The following ALOX15B variants were observed in gnomAD, a reference collection of about 807,000 sequenced individuals.
ALOX15B encodes arachidonate 15-lipoxygenase type B.
ALOX15B carries 74 observed loss-of-function variants against 73.8 expected under a neutral mutation model. The ratio of observed to expected loss-of-function variants is 1.00; its 90% CI spans 0.83 to 1.22. ALOX15B has a LOEUF of 1.22. Among genes scored for constraint, ALOX15B ranks in the 50% most tolerant of loss-of-function variants. The probability of loss-of-function intolerance (pLI) is 0.00; values close to 1 mark genes in which losing one functional copy is unlikely to be tolerated. For synonymous variants in ALOX15B, 353 were observed against 357.2 expected, an observed-to-expected ratio of 0.99 and a Z score of 0.13; for missense variants, 896 against 859.9, an observed-to-expected ratio of 1.04 and a Z score of -0.52.
rs1272537817 is a variant in ALOX15B, at chr17:8,046,891, G to A, written c.1288-16G>A. 6 of 1,613,828 alleles carry A rather than the reference G, an allele frequency of 3.7e-6. No individual in the cohort carries two copies. Among genetic ancestry groups the A allele is most frequent in the Non-Finnish European group, 5.1e-6 (6 of 1,179,756 alleles). On this transcript the variant is annotated splice_polypyrimidine_tract_variant and intron_variant, in intron 9 of 13. Transcript: ENST00000380183. The stretch of plus-strand genomic sequence containing the variant: ...CTGGAGCAAGGTCTGTAGGACCCAA[G>A]AGTCCTGTCTCTCAGTCCACAGGCA...
In ALOX15B at chr17:8,045,466, C is replaced by A. The variant is rs1226472541; in HGVS notation, c.997-17C>A. 4.1e-5 allele frequency: 66 copies of A among 1,613,902 alleles called. No individual in the cohort carries two copies. Among genetic ancestry groups the A allele is most frequent in the Non-Finnish European group, 5.2e-5 (61 of 1,180,006 alleles). ...AGACACTCATGGCTGCCTCTCTCCCCACCTGCCTCCCCCCAGCTCAGCCAG... is the reference window on the plus strand; with the variant it reads ...AGACACTCATGGCTGCCTCTCTCCCAACCTGCCTCCCCCCAGCTCAGCCAG... On this transcript the variant is annotated splice_polypyrimidine_tract_variant and intron_variant, in intron 7 of 13. Coordinates refer to ENST00000380183, the MANE Select transcript of ALOX15B (RefSeq NM_001141.3).
chr17:8,046,121 A>G (rs4611520), intron 8 of ALOX15B, among the ~76,000 whole-genome samples: 1 of 152,164 alleles, frequency 6.6e-6, no homozygotes, highest in Non-Finnish European at 1.5e-5. Flanking sequence ...GATTCGAGGC[A>G]TCTCCTCTGT....
At chr17:8,039,340 G>C (rs1976361973) in intron 1 of ALOX15B, 38 bp downstream of exon 1, 1 of 1,591,278 alleles carries the variant, frequency 6.3e-7, no homozygotes, top group Admixed American at 1.7e-5. Context: ...AGGTGAAGGG[G>C]GCGAGCAGGA....
At chr17:8,044,105 G>GAGAGGAAGGAAGGAAGGAAGGA (rs1355114653) in intron 5 of ALOX15B, among the ~76,000 whole-genome samples, 19 of 62,372 alleles carry the variant, frequency 3.0e-4, no homozygotes, top group African/African-American at 9.5e-4. Context: ...GAGAGAGAGA[G>GAGAGGAAGGAAGGAAGGAAGGA]AGGAAGGAAG....
intron 5 of ALOX15B, among the ~76,000 whole-genome samples, chr17:8,043,566 G>A (rs1284646505): frequency 6.6e-6 from 1 of 152,212 alleles, no homozygotes; most frequent in Non-Finnish European, 1.5e-5. Flanking sequence ...GTGCTTGACT[G>A]GTTGCCAGCA....
At chr17:8,040,647 G>GAAAGAAAGAAAGAAAGAAAGA (rs1255631976) in intron 3 of ALOX15B, among the ~76,000 whole-genome samples, 113 of 122,338 alleles carry the variant, frequency 9.2e-4, no homozygotes, top group African/African-American at 3.0e-3. Context: ...AAGAAAGAAA[G>GAAAGAAAGAAAGAAAGAAAGA]AAAGAAAAGA....
Position 8,047,832 on chromosome 17 carries a change from T to C in ALOX15B, c.1768T>C (p.Phe590Leu), listed in dbSNP as rs1425032361. Residue 590 changes from phenylalanine to leucine, a missense_variant, in exon 13 of 14, where the codon TTC becomes CTC. Phe to Leu is a conservative substitution (Grantham distance 22). Transcript: ENST00000380183. ...TSKGLATCEG[F>L]IATLPPVNAT... ...CAAAGGCCTGGCAACATGCGAGGGC[T>C]TCATAGCCACCCTCCCACCTGTCAA... 3 of 1,614,020 alleles carry C rather than the reference T, an allele frequency of 1.9e-6. No individual in the cohort carries two copies. In the African/African-American group the frequency reaches 4.0e-5, roughly 22 times the overall value.
At position 8,045,368 on chromosome 17, in the gene ALOX15B, T is replaced by G; in HGVS notation, c.980T>G (p.Leu327Arg). ...CAGAGCCCAGGCTGCGGGCCGCTGC[T>G]GCCTCTCGCCATCCAGGTATGCAGT... ...LYQSPGCGPL[L>R]PLAIQLSQTP... Residue 327 changes from leucine to arginine, a missense_variant, in exon 7 of 14, where the codon CTG becomes CGG. Physicochemically the swap from Leu to Arg is moderately radical, Grantham distance 102. Coordinates refer to ENST00000380183, the MANE Select transcript of ALOX15B (RefSeq NM_001141.3). 1 of 1,614,072 alleles carries G rather than the reference T, an allele frequency of 6.2e-7. No homozygotes were observed. The highest frequency in any genetic ancestry group is 1.3e-5 in the African/African-American group (1 of 75,030).
chr17:8,044,834 G>C lies in ALOX15B; in HGVS notation c.682G>C (p.Ala228Pro), dbSNP rs143883230. The C allele has an allele frequency of 4.1e-6, 6 of 1,455,872 alleles. No individual in the cohort carries two copies. The East Asian group carries it at 2.0e-4, about 48-fold the overall frequency. The allele number at this position is 1,455,872 out of a possible 1,614,324, so 90.2% of individuals were successfully genotyped here. The change falls in exon 6 of 14, where the codon GCA becomes CCA. Residue 228 changes from alanine to proline, a missense_variant. Physicochemically the swap from Ala to Pro is conservative, Grantham distance 27 (BLOSUM62 -1). Coordinates refer to ENST00000380183, the MANE Select transcript of ALOX15B (RefSeq NM_001141.3). Reference protein sequence around the residue: ...NFRRTPAAEHAFEHWQEDAFF... With the variant: ...NFRRTPAAEHPFEHWQEDAFF... Reference sequence around the variant, plus strand: ...CTGTCCCCCACCCCCTGCAGAGCACGCATTTGAGCACTGGCAGGAGGACGC... The same window carrying C: ...CTGTCCCCCACCCCCTGCAGAGCACCCATTTGAGCACTGGCAGGAGGACGC...
rs769849124 is a variant in ALOX15B at position 8,045,632 on chromosome 17, G to A, written c.1146G>A (p.Glu382=). The A allele has an allele frequency of 1.2e-6, 2 of 1,614,190 alleles. No individual in the cohort carries two copies. Among genetic ancestry groups the A allele is most frequent in the African/African-American group, 2.7e-5 (2 of 75,034 alleles). Residue 382 remains glutamate (E), a synonymous_variant, in exon 8 of 14, where the codon GAG becomes GAA. Coordinates refer to ENST00000380183, the MANE Select transcript of ALOX15B (RefSeq NM_001141.3). The stretch of plus-strand genomic sequence containing the variant: ...TGCTGCACTCACATCTGCTGCCTGA[G>A]GTCTTCACCCTGGCTACCCTGCGTC... ...THLLHSHLLP[E]VFTLATLRQL... is the part of the protein sequence containing the mutation.
chr17:8,046,540 C>T, intron 8 of ALOX15B, 128 bp from the exon 9 acceptor site: 1 of 933,418 alleles, frequency 1.1e-6, no homozygotes, highest in South Asian at 1.5e-5. Context: ...ACCCCTGTCC[C>T]AGGCTGCCTC....
rs771462763 is a variant in ALOX15B, at chr17:8,048,434, C to A, written c.1900C>A (p.Arg634=). The stretch of plus-strand genomic sequence containing the variant: ...TGAGCACTTCACAGAGGAGGCCCCT[C>A]GGCGGAGCATCGCCACCTTCCAGAG... The part of the protein sequence containing the change: ...PDEHFTEEAP[R]RSIATFQSRL... Residue 634 remains arginine, a synonymous_variant, in exon 14 of 14, where the codon CGG becomes AGG. Coordinates refer to ENST00000380183, the MANE Select transcript of ALOX15B (RefSeq NM_001141.3). 1 of 1,614,086 alleles carries A rather than the reference C, an allele frequency of 6.2e-7. No individual in the cohort carries two copies. Among genetic ancestry groups the A allele is most frequent in the Non-Finnish European group, 8.5e-7 (1 of 1,180,004 alleles).
Position 8,046,736 on chromosome 17 carries a change from A to G in ALOX15B, c.1269A>G (p.Pro423=). 6.2e-7 allele frequency: 1 copy of G among 1,613,928 alleles called. No individual in the cohort carries two copies. The highest frequency in any genetic ancestry group is 8.5e-7 in the Non-Finnish European group (1 of 1,179,948). The stretch of plus-strand genomic sequence containing the variant: ...TCGCCCGGGAGCTGCTTATCGTGCC[A>G]GGGCAGGTGGTGGACAGGGTGAGAG... The part of the protein sequence containing the change: ...NTLARELLIV[P]GQVVDRSTGI... The change falls in exon 9 of 14, where the codon CCA becomes CCG. Residue 423 remains proline, a synonymous_variant. Coordinates refer to ENST00000380183, the MANE Select transcript of ALOX15B (RefSeq NM_001141.3).
At chr17:8,044,428 A>G (rs1169684778) in intron 5 of ALOX15B, among the ~76,000 whole-genome samples, 5 of 151,416 alleles carry the variant, frequency 3.3e-5, no homozygotes, top group Non-Finnish European at 7.4e-5. Context: ...TGTCTCAAAA[A>G]AAAAAAAAAA....
chr17:8,039,613 G>T lies in ALOX15B; in HGVS notation c.367+8G>T, dbSNP rs780267136. On this transcript the variant is annotated splice_region_variant and intron_variant, in intron 2 of 13. Transcript: ENST00000380183. ...TGCTGCAGGAGGGTACAGGTGAGGG[G>T]CGGGCCGGGCTGGGGCTGCAGGGGG... 3.1e-6 allele frequency: 4 copies of T among 1,307,086 alleles called. No individual in the cohort carries two copies. The highest frequency in any genetic ancestry group is 1.4e-5 in the African/African-American group (1 of 69,866). 81.0% of individuals were successfully genotyped at this position (1,307,086 alleles called of 1,614,324 possible).
Position 8,047,840 on chromosome 17 carries a change from C to T in ALOX15B, c.1776C>T (p.Ala592=), listed in dbSNP as rs1439508566. 6.2e-7 allele frequency: 1 copy of T among 1,614,080 alleles called. No individual in the cohort carries two copies. Among genetic ancestry groups the T allele is most frequent in the Non-Finnish European group, 8.5e-7 (1 of 1,180,040 alleles). Reference sequence around the variant, plus strand: ...TGGCAACATGCGAGGGCTTCATAGCCACCCTCCCACCTGTCAATGCCACAT... The same window carrying T: ...TGGCAACATGCGAGGGCTTCATAGCTACCCTCCCACCTGTCAATGCCACAT... ...KGLATCEGFI[A]TLPPVNATCD... is the part of the protein sequence containing the mutation. The change falls in exon 13 of 14, where the codon GCC becomes GCT. Residue 592 remains alanine, a synonymous_variant. Transcript: ENST00000380183.
chr17:8,041,215 G>C (rs1393162268), intron 3 of ALOX15B, among the ~76,000 whole-genome samples: 2 of 152,198 alleles, frequency 1.3e-5, no homozygotes, highest in Non-Finnish European at 2.9e-5. Flanking sequence ...AAAACGAGCT[G>C]TGAGATCTTA....
rs1243517820 is a variant in ALOX15B, at chr17:8,039,108, C to A, written c.-48C>A. The stretch of plus-strand genomic sequence containing the variant: ...CCAGGCGTGTCCCAGGGGGGAGCCC[C>A]GCTCTGCAGCCCTGTGCGCCGTAGA... On this transcript the variant is annotated 5_prime_UTR_variant, in exon 1 of 14. Coordinates refer to ENST00000380183, the MANE Select transcript of ALOX15B (RefSeq NM_001141.3). 1.3e-6 allele frequency: 2 copies of A among 1,584,858 alleles called. No individual in the cohort carries two copies. Among genetic ancestry groups the A allele is most frequent in the South Asian group, 2.3e-5 (2 of 86,638 alleles).
intron 3 of ALOX15B, among the ~76,000 whole-genome samples, chr17:8,040,601 G>GAGAGAGAA (rs1555638441): frequency 1.8e-3 from 198 of 109,524 alleles, no homozygotes; most frequent in African/African-American, 3.9e-3. Context: ...AAGAAAGAGA[G>GAGAGAGAA]AGAAAGAAAG....
Sources: allele counts gnomAD v4.1 joint callset (sites outside exome capture counted in the v4.1 genomes callset), GRCh38; gene constraint gnomAD v4.1.1; transcripts MANE v1.5; gene names NCBI Gene and HGNC (gene_info 2026-07-23, HGNC 2026-07-21).